Variants in GABRG1 observed in about 807,000 individuals in gnomAD.
GABRG1 encodes the protein gamma-aminobutyric acid receptor subunit gamma-1.
A neutral mutation model predicts 49.8 loss-of-function variants in GABRG1; 49 were observed. The observed-to-expected ratio is 0.98, with a 90% CI of 0.78 to 1.25. The LOEUF (loss-of-function observed/expected upper bound fraction) is 1.25, where lower values mean the gene tolerates loss of function less well. Among genes scored for constraint, GABRG1 ranks in the 50% most tolerant of loss-of-function variants. The pLI, the probability that GABRG1 is intolerant of heterozygous loss-of-function variation, is 0.00. For synonymous variants in GABRG1, 232 were observed against 185.1 expected (o/e 1.25, Z -2.06); for missense variants, 552 against 552.3 (o/e 1.00, Z 0.01).
chr4:46,111,823 C>G (rs532640464), intron 1 of GABRG1, among the ~76,000 whole-genome samples: 5 of 151,204 alleles, frequency 3.3e-5, no homozygotes, highest in Non-Finnish European at 5.9e-5. Flanking sequence ...TAACTTGCAC[C>G]ACATACAAAA....
At chr4:46,091,759 A>C (rs992493584) in intron 2 of GABRG1, among the ~76,000 whole-genome samples, 7 of 152,058 alleles carry the variant, frequency 4.6e-5, no homozygotes, top group Non-Finnish European at 8.8e-5. Flanking sequence ...CAGAAGAAAA[A>C]TGTCTGATGA....
chr4:46,058,816 T>C (rs776156787), intron 5 of GABRG1, among the ~76,000 whole-genome samples, 194 bp from the exon 6 acceptor site: 10 of 152,214 alleles, frequency 6.6e-5, no homozygotes, highest in Admixed American at 2.0e-4. Flanking sequence ...CAAATAATGA[T>C]AACCCATGTA....
intron 3 of GABRG1, among the ~76,000 whole-genome samples, chr4:46,077,731 T>C (rs73144840): frequency 0.021 from 3,151 of 151,870 alleles, 118 homozygotes; most frequent in African/African-American, 0.072. Flanking sequence ...TTCTGATATC[T>C]TTTTTTAACA....
intron 2 of GABRG1, among the ~76,000 whole-genome samples, chr4:46,090,363 G>A (rs990373286): frequency 6.6e-6 from 1 of 151,836 alleles, no homozygotes; most frequent in Admixed American, 6.6e-5. Flanking sequence ...CATGGAGTAG[G>A]GCAACTATCA....
At chr4:46,061,039 A>T (rs781279342) in intron 5 of GABRG1, among the ~76,000 whole-genome samples, 7 of 152,182 alleles carry the variant, frequency 4.6e-5, no homozygotes, top group Non-Finnish European at 8.8e-5. Flanking sequence ...TTAGCTATTG[A>T]CACCCAATTA....
chr4:46,077,364 C>T (rs549081816), intron 3 of GABRG1, among the ~76,000 whole-genome samples: 1 of 151,600 alleles, frequency 6.6e-6, no homozygotes, highest in Admixed American at 6.6e-5. Flanking sequence ...AAACATAATA[C>T]TATAAAACAG....
At chr4:46,121,810 G>A (rs1473735932) in intron 1 of GABRG1, among the ~76,000 whole-genome samples, 1 of 151,888 alleles carries the variant, frequency 6.6e-6, no homozygotes, top group Non-Finnish European at 1.5e-5. Context: ...TTATTCACTG[G>A]ACAAAATAAT....
intron 3 of GABRG1, among the ~76,000 whole-genome samples, chr4:46,082,515 A>T (rs934906781): frequency 3.3e-5 from 5 of 151,800 alleles, no homozygotes; most frequent in Non-Finnish European, 5.9e-5. Context: ...ATCCATGGCA[A>T]AAAGTTTGGA....
Position 46,040,192 on chromosome 4 carries a change from T to C in GABRG1, c.*796A>G, listed in dbSNP as rs1056704262. 4.6e-5 allele frequency: 7 copies of C among 151,954 alleles called. No individual in the cohort carries two copies. The highest frequency in any genetic ancestry group is 7.4e-5 in the Non-Finnish European group (5 of 67,890). 9.4% of individuals were successfully genotyped at this position (151,954 alleles called of 1,614,324 possible). On this transcript the variant is annotated 3_prime_UTR_variant, in exon 9 of 9. Coordinates refer to ENST00000295452, the MANE Select transcript of GABRG1 (RefSeq NM_173536.4). ...TTTGCATTAATGTGCATTTGCAGAT[T>C]TTAATATTTCAGTGTTAACCTCATC...
chr4:46,089,401 G>A lies in GABRG1; in HGVS notation c.254-5348C>T, dbSNP rs143081741. Reference sequence around the variant, plus strand: ...GGTTGCAACTATGCCCAGTTAAAACGTAGACCAATCTTCTTTATATCTCCC... The same window carrying A: ...GGTTGCAACTATGCCCAGTTAAAACATAGACCAATCTTCTTTATATCTCCC... On this transcript the variant is annotated intron_variant, in intron 2 of 8. Coordinates refer to ENST00000295452, the MANE Select transcript of GABRG1 (RefSeq NM_173536.4). Among the ~76,000 whole-genome samples, 22 of 152,094 alleles carry A rather than the reference G, an allele frequency of 1.4e-4. No homozygotes were observed. In the East Asian group the frequency reaches 3.3e-3, roughly 23 times the overall value.
intron 3 of GABRG1, 41 bp downstream of exon 3, chr4:46,083,945 G>T: frequency 9.2e-7 from 1 of 1,082,236 alleles, no homozygotes; most frequent in Non-Finnish European, 1.4e-6. Context: ...ATACACGAGA[G>T]ATCTCTGTGG....
intron 7 of GABRG1, among the ~76,000 whole-genome samples, chr4:46,052,654 T>A (rs1329666608): frequency 1.3e-5 from 2 of 151,940 alleles, no homozygotes; most frequent in East Asian, 3.9e-4. Context: ...TAAACTTTCA[T>A]AATCCTCATT....
intron 1 of GABRG1, among the ~76,000 whole-genome samples, chr4:46,113,880 T>C (rs1243806273): frequency 6.6e-6 from 1 of 151,106 alleles, no homozygotes; most frequent in East Asian, 2.0e-4. Flanking sequence ...AGTATTTATT[T>C]ACAACCATCA....
chr4:46,108,379 G>A (rs1032388601), intron 1 of GABRG1, among the ~76,000 whole-genome samples: 4 of 151,028 alleles, frequency 2.6e-5, no homozygotes, highest in Admixed American at 1.3e-4. Context: ...ACTAGAAATT[G>A]ATTTTGTTCA....
At chr4:46,056,689 A>G (rs1285067011) in intron 7 of GABRG1, among the ~76,000 whole-genome samples, 1 of 152,072 alleles carries the variant, frequency 6.6e-6, no homozygotes, top group African/African-American at 2.4e-5. Flanking sequence ...AGCACCAAAA[A>G]CACTGCTTGT....
In GABRG1 at chr4:46,097,947, ATTATCAATAGGTGAC is replaced by A. The variant is rs1384904272; in HGVS notation, c.105-613_105-599del. Among the ~76,000 whole-genome samples the A allele has an allele frequency of 3.3e-5, 5 of 151,768 alleles. No homozygotes were observed. The East Asian group carries it at 9.7e-4, about 30-fold the overall frequency. On this transcript the variant is annotated intron_variant, in intron 1 of 8. Coordinates refer to ENST00000295452, the MANE Select transcript of GABRG1 (RefSeq NM_173536.4). ...TTGTCAAAGATTTTATAATCATCAA[ATTATCAATAGGTGAC>A]TCATCTTGCACATATATTTGGGAGG...
intron 5 of GABRG1, among the ~76,000 whole-genome samples, chr4:46,059,792 T>C (rs1485530422): frequency 6.6e-6 from 1 of 152,162 alleles, no homozygotes; most frequent in Non-Finnish European, 1.5e-5. Context: ...AATGCAGTCT[T>C]CTTCATTTTT....
At chr4:46,044,710 G>A (rs976842091) in intron 8 of GABRG1, among the ~76,000 whole-genome samples, 3 of 152,020 alleles carry the variant, frequency 2.0e-5, no homozygotes, top group African/African-American at 7.2e-5. Flanking sequence ...GTAATGAATA[G>A]AATGGAAAAC....
chr4:46,067,369 T>A (rs571331955), intron 3 of GABRG1, among the ~76,000 whole-genome samples: 13 of 152,252 alleles, frequency 8.5e-5, no homozygotes, highest in African/African-American at 3.1e-4. Flanking sequence ...GAGTATGAGA[T>A]GTATGTTTTA....
Sources: allele counts gnomAD v4.1 joint callset (sites outside exome capture counted in the v4.1 genomes callset), GRCh38; gene constraint gnomAD v4.1.1; transcripts MANE v1.5; gene names NCBI Gene and HGNC (gene_info 2026-07-23, HGNC 2026-07-21).